SRGAP3: variants seen among roughly 807,000 people sequenced by gnomAD.
The protein encoded by SRGAP3 is SLIT-ROBO Rho GTPase activating protein 3, also known as SLIT-ROBO Rho GTPase-activating protein 3.
Under a neutral mutation model 121.1 loss-of-function variants are expected in SRGAP3, and 39 were observed. The ratio of observed to expected loss-of-function variants is 0.32; its 90% CI spans 0.25 to 0.42. The LOEUF is 0.42. SRGAP3 is among the 10% of genes least tolerant of loss of function. The pLI is 1.00. For synonymous variants in SRGAP3, 601 were observed against 570.0 expected, an observed-to-expected ratio of 1.05 and a Z score of -0.77; for missense variants, 1,213 against 1,470.6, an observed-to-expected ratio of 0.82 and a Z score of 2.86.
chr3:9,172,056 G>C (rs1407276523), intron 1 of SRGAP3, among the ~76,000 whole-genome samples: 1 of 150,082 alleles, frequency 6.7e-6, no homozygotes, highest in Admixed American at 6.6e-5. Flanking sequence ...TTATTAGTTA[G>C]AATGGATTAG....
intron 4 of SRGAP3, among the ~76,000 whole-genome samples, chr3:9,072,644 G>A (rs1235613290): frequency 2.0e-5 from 3 of 152,240 alleles, no homozygotes; most frequent in Non-Finnish European, 2.9e-5. Flanking sequence ...ATCAATGCCC[G>A]GCAGGAGCCT....
chr3:9,336,071 G>A (rs1002596983), intron 1 of SRGAP3, among the ~76,000 whole-genome samples: 9 of 152,126 alleles, frequency 5.9e-5, no homozygotes, highest in Admixed American at 2.0e-4. Flanking sequence ...CATTTGTAAC[G>A]GAGGCTTCCC....
At chr3:9,059,914 CT>C (rs557764351) in intron 6 of SRGAP3, 263 of 397,836 alleles carry the variant, frequency 6.6e-4, no homozygotes, top group African/African-American at 4.7e-3. Flanking sequence ...TGGTTCCCCC[CT>C]GAACCCCTCA....
At chr3:9,148,015 G>A (rs1950082160) in intron 1 of SRGAP3, among the ~76,000 whole-genome samples, 1 of 152,204 alleles carries the variant, frequency 6.6e-6, no homozygotes, top group Non-Finnish European at 1.5e-5. Context: ...CCAGGGAGGG[G>A]CTGTTTTGTT....
At chr3:9,061,196 C>T (rs1342462662) in intron 5 of SRGAP3, among the ~76,000 whole-genome samples, 1 of 152,194 alleles carries the variant, frequency 6.6e-6, no homozygotes. Context: ...TGCACCACTG[C>T]ACTCCAGGTC....
chr3:8,986,335 T>C (rs897564306), intron 21 of SRGAP3, among the ~76,000 whole-genome samples: 14 of 152,172 alleles, frequency 9.2e-5, no homozygotes, highest in Admixed American at 8.5e-4. Flanking sequence ...GTGCATTAAA[T>C]GATACAGTCC....
intron 1 of SRGAP3, among the ~76,000 whole-genome samples, chr3:9,139,428 TTGTCACAGAA>T (rs1949774103): frequency 6.6e-6 from 1 of 152,130 alleles, no homozygotes. Context: ...AAAAGAAGAT[TTGTCACAGAA>T]GAGGAGGAGG....
At chr3:9,303,207 T>C (rs1294830311) in intron 3 of SRGAP3, among the ~76,000 whole-genome samples, 1 of 152,104 alleles carries the variant, frequency 6.6e-6, no homozygotes, top group Non-Finnish European at 1.5e-5. Flanking sequence ...GGCAGATTAC[T>C]TGAGGCCAGG....
intron 2 of SRGAP3, chr3:9,330,453 C>G (rs1284521145): frequency 6.5e-6 from 1 of 154,204 alleles, no homozygotes; most frequent in Non-Finnish European, 1.5e-5. Flanking sequence ...GCTCCAAAAT[C>G]CGAAAGGGAG....
chr3:9,320,993 G>C lies in SRGAP3; in HGVS notation n.442+5017C>G, dbSNP rs1955430135. ...ATTACTGCCCTTTGAAAATGAGCCA[G>C]ACTTAGTGACTTACTTCTAAAAAAT... is the stretch of plus-strand genomic sequence containing the variant. On this transcript the variant is annotated intron_variant and non_coding_transcript_variant, in intron 3 of 3. Coordinates refer to the SRGAP3 transcript ENST00000490889. Among the ~76,000 whole-genome samples, 3 of 151,930 alleles carry C rather than the reference G, an allele frequency of 2.0e-5. No individual in the cohort carries two copies. The South Asian group carries it at 6.2e-4, about 31-fold the overall frequency.
At chr3:9,283,902 G>C (rs1442881701) in intron 3 of SRGAP3, among the ~76,000 whole-genome samples, 1 of 152,164 alleles carries the variant, frequency 6.6e-6, no homozygotes, top group East Asian at 1.9e-4. Context: ...TTACTGGATG[G>C]AGAAGGGCTG....
rs1447165303 is a variant in SRGAP3, at chr3:9,225,829, G to C, written c.67+23056C>G. Among the ~76,000 whole-genome samples the C allele has an allele frequency of 7.2e-5, 11 of 152,330 alleles. No individual in the cohort carries two copies. In the East Asian group the frequency reaches 2.1e-3, roughly 29 times the overall value. Reference sequence around the variant, plus strand: ...GGACCATGACCAAGGGAGAGCTCAAGTCCTGCCACAGAAGGGCAATCGGTG... The same window carrying C: ...GGACCATGACCAAGGGAGAGCTCAACTCCTGCCACAGAAGGGCAATCGGTG... On this transcript the variant is annotated intron_variant, in intron 1 of 21. Coordinates refer to ENST00000383836, the MANE Select transcript of SRGAP3 (RefSeq NM_014850.4).
chr3:9,100,821 C>A (rs550367586), intron 3 of SRGAP3, among the ~76,000 whole-genome samples: 1 of 152,306 alleles, frequency 6.6e-6, no homozygotes, highest in African/African-American at 2.4e-5. Flanking sequence ...CTAGAGTATT[C>A]CGACTGGTTC....
At chr3:9,262,427 G>T (rs1184600915) in intron 3 of SRGAP3, among the ~76,000 whole-genome samples, 1 of 149,600 alleles carries the variant, frequency 6.7e-6, no homozygotes, top group East Asian at 2.0e-4. Flanking sequence ...ATTGAATAAA[G>T]TCAAGACCCA....
chr3:9,010,932 C>A (rs747318036), intron 17 of SRGAP3, among the ~76,000 whole-genome samples: 17 of 152,140 alleles, frequency 1.1e-4, no homozygotes, highest in Non-Finnish European at 1.0e-4. Context: ...GCTGAGTAAT[C>A]CAGTCCATCA....
chr3:9,032,175 T>A (rs1445600141), intron 12 of SRGAP3, among the ~76,000 whole-genome samples: 1 of 152,178 alleles, frequency 6.6e-6, no homozygotes, highest in Non-Finnish European at 1.5e-5. Flanking sequence ...TGTGTTTCCT[T>A]TGCTGGTATA....
chr3:9,188,694 C>T (rs908794683), intron 1 of SRGAP3, among the ~76,000 whole-genome samples: 16 of 152,160 alleles, frequency 1.1e-4, no homozygotes, highest in Non-Finnish European at 2.2e-4. Context: ...ATATCTTTTT[C>T]CCTTTGATGT....
chr3:9,280,902 C>T (rs530966350), intron 3 of SRGAP3, among the ~76,000 whole-genome samples: 2 of 152,020 alleles, frequency 1.3e-5, no homozygotes, highest in South Asian at 4.1e-4. Context: ...CGATTATTTC[C>T]AGCACAATAG....
At chr3:9,323,753 T>A (rs1955472504) in intron 3 of SRGAP3, among the ~76,000 whole-genome samples, 1 of 151,320 alleles carries the variant, frequency 6.6e-6, no homozygotes, top group South Asian at 2.1e-4. Context: ...TTATGAATAA[T>A]GTATCTAAGT....
Sources: allele counts gnomAD v4.1 joint callset (sites outside exome capture counted in the v4.1 genomes callset), GRCh38; gene constraint gnomAD v4.1.1; transcripts MANE v1.5; gene names NCBI Gene and HGNC (gene_info 2026-07-23, HGNC 2026-07-21).